Variants in CFAP20DC observed in about 807,000 individuals in gnomAD.
CFAP20DC encodes the protein CFAP20 domain containing.
CFAP20DC carries 84 observed loss-of-function variants against 101.7 expected under a neutral mutation model. That is an observed-to-expected ratio of 0.83 (90% CI 0.69 to 0.99). The LOEUF is 0.99. Ranked by LOEUF, CFAP20DC falls within the 50% of genes least tolerant of loss-of-function variation. CFAP20DC has a pLI of 0.00. For synonymous variants in CFAP20DC, 359 were observed against 351.2 expected, an observed-to-expected ratio of 1.02 and a Z score of -0.25; for missense variants, 1,007 against 970.3, an observed-to-expected ratio of 1.04 and a Z score of -0.50.
intron 1 of CFAP20DC, among the ~76,000 whole-genome samples, chr3:59,048,463 T>C (rs1228381597): frequency 6.6e-6 from 1 of 152,198 alleles, no homozygotes; most frequent in East Asian, 1.9e-4. Context: ...CTAGTTGTTT[T>C]AAAAGACAAA....
intron 5 of CFAP20DC, among the ~76,000 whole-genome samples, chr3:58,919,146 C>T (rs970532147): frequency 6.6e-6 from 1 of 152,110 alleles, no homozygotes; most frequent in Admixed American, 6.6e-5. Flanking sequence ...TTTCTTTCAC[C>T]TTAGATGATT....
chr3:58,929,997 G>A (rs1265080949), intron 5 of CFAP20DC, among the ~76,000 whole-genome samples: 2 of 151,754 alleles, frequency 1.3e-5, no homozygotes, highest in African/African-American at 2.4e-5. Flanking sequence ...TCTCTTCCAG[G>A]AGCACTACTC....
intron 4 of CFAP20DC, among the ~76,000 whole-genome samples, chr3:59,030,248 G>T (rs1381501438): frequency 6.6e-6 from 1 of 152,194 alleles, no homozygotes; most frequent in Non-Finnish European, 1.5e-5. Context: ...AACACTGAGG[G>T]TGCTGAAAGA....
chr3:58,761,559 T>C (rs1337487715), intron 15 of CFAP20DC, among the ~76,000 whole-genome samples: 1 of 152,216 alleles, frequency 6.6e-6, no homozygotes, highest in Non-Finnish European at 1.5e-5. Context: ...TGATCTTCAT[T>C]ATTTCTTGCC....
Position 58,869,578 on chromosome 3 carries a change from C to T in CFAP20DC, c.853-88G>A, listed in dbSNP as rs2079968067. The T allele has an allele frequency of 1.9e-6, 2 of 1,039,112 alleles. No homozygotes were observed. Among genetic ancestry groups the T allele is most frequent in the South Asian group, 5.3e-5 (2 of 37,726 alleles). The allele number at this position is 1,039,112 out of a possible 1,614,324, so 64.4% of individuals were successfully genotyped here. On this transcript the variant is annotated intron_variant, in intron 8 of 16. Coordinates refer to ENST00000482387, the MANE Select transcript of CFAP20DC (RefSeq NM_001394063.1). The surrounding 1 kb of genome is among the most constrained non-coding windows in gnomAD (Gnocchi z 4.3). ...TATATAGAAAACATAATATTTGGAC[C>T]AATGAAGAGTGAGAAAAAAACTAGA...
At chr3:58,920,689 T>C (rs1052381184) in intron 5 of CFAP20DC, among the ~76,000 whole-genome samples, 3 of 152,204 alleles carry the variant, frequency 2.0e-5, no homozygotes, top group African/African-American at 4.8e-5. Flanking sequence ...TAAATGCCAC[T>C]GGATCATGGT....
At chr3:58,815,464 T>C (rs1385767649) in intron 14 of CFAP20DC, among the ~76,000 whole-genome samples, 37 of 149,124 alleles carry the variant, frequency 2.5e-4, no homozygotes, top group African/African-American at 8.4e-4. Flanking sequence ...ACTTCATGTC[T>C]AAAACACCAA....
Position 58,724,050 on chromosome 3 carries a change from C to T in CFAP20DC, c.198-6422G>A, listed in dbSNP as rs946369587. Among the ~76,000 whole-genome samples, 1 of 152,196 alleles carries T rather than the reference C, an allele frequency of 6.6e-6. No individual in the cohort carries two copies. The highest frequency in any genetic ancestry group is 1.5e-5 in the Non-Finnish European group (1 of 68,036). ...GGAAGTAACATAGATACAAATCCTT[C>T]ATTCCAGGATGCTGAGGTTTAATCC... On this transcript the variant is annotated intron_variant, in intron 3 of 3. Coordinates refer to the CFAP20DC transcript ENST00000486145. The surrounding 1 kb of genome is among the most constrained non-coding windows in gnomAD (Gnocchi z 5.6).
At chr3:59,043,102 GAGTT>G (rs1699539923) in intron 3 of CFAP20DC, among the ~76,000 whole-genome samples, 1 of 152,140 alleles carries the variant, frequency 6.6e-6, no homozygotes, top group African/African-American at 2.4e-5. Flanking sequence ...AAGAAGTCTA[GAGTT>G]AGGAGAGAAG....
intron 14 of CFAP20DC, among the ~76,000 whole-genome samples, chr3:58,812,655 T>A (rs539057769): frequency 6.6e-6 from 1 of 151,736 alleles, no homozygotes; most frequent in East Asian, 1.9e-4. Flanking sequence ...TGTATACATG[T>A]GTAACTAACC....
chr3:58,877,021 T>C (rs1022283796), intron 7 of CFAP20DC, among the ~76,000 whole-genome samples: 2 of 152,214 alleles, frequency 1.3e-5, no homozygotes, highest in African/African-American at 4.8e-5. Flanking sequence ...ACTGAAGTCA[T>C]GGCATTTTTG....
In CFAP20DC at chr3:58,912,955, C is replaced by A. The variant is rs1287625476; in HGVS notation, c.550+753G>T. Among the ~76,000 whole-genome samples the A allele has an allele frequency of 6.6e-6, 1 of 152,044 alleles. No individual in the cohort carries two copies. The highest frequency in any genetic ancestry group is 1.5e-5 in the Non-Finnish European group (1 of 68,000). ...TTGAATGCCCAACATCTTTTGCACA[C>A]CCTTCCTAATTTGATGACTTTCCCA... is the stretch of plus-strand genomic sequence containing the variant. On this transcript the variant is annotated intron_variant, in intron 6 of 16. Coordinates refer to ENST00000482387, the MANE Select transcript of CFAP20DC (RefSeq NM_001394063.1). This position sits in a 1 kb window ranked among gnomAD's most constrained non-coding sequence, Gnocchi z 4.4.
intron 7 of CFAP20DC, among the ~76,000 whole-genome samples, chr3:58,880,075 C>G (rs1250865506): frequency 1.3e-5 from 2 of 151,350 alleles, no homozygotes; most frequent in African/African-American, 4.9e-5. Context: ...TAGAAATGTC[C>G]CATAATTACT....
At chr3:58,790,730 G>C (rs1235595801) in intron 15 of CFAP20DC, among the ~76,000 whole-genome samples, 2 of 152,156 alleles carry the variant, frequency 1.3e-5, no homozygotes, top group Non-Finnish European at 2.9e-5. Flanking sequence ...ACTGTAGTCT[G>C]AACTCTTTGG....
intron 4 of CFAP20DC, among the ~76,000 whole-genome samples, chr3:58,961,445 T>C (rs893563546): frequency 3.3e-5 from 5 of 152,000 alleles, no homozygotes; most frequent in African/African-American, 7.3e-5. Flanking sequence ...TCCCAGCTAC[T>C]TGGGAGGCTG....
intron 13 of CFAP20DC, among the ~76,000 whole-genome samples, chr3:58,842,154 C>G (rs931495076): frequency 6.6e-6 from 1 of 152,072 alleles, no homozygotes; most frequent in Non-Finnish European, 1.5e-5. Flanking sequence ...TACCAGTACT[C>G]GGAGGAGCCA....
In CFAP20DC at chr3:58,846,755, C is replaced by G. The variant is rs1317521281; in HGVS notation, c.1971+2277G>C. On this transcript the variant is annotated intron_variant, in intron 13 of 16. Coordinates refer to ENST00000482387, the MANE Select transcript of CFAP20DC (RefSeq NM_001394063.1). ...AAGCTGGAGGCATCACACTACCTGA[C>G]TTCAAACTATACTACAAGGCTACAG... Among the ~76,000 whole-genome samples the G allele has an allele frequency of 2.5e-4, 37 of 147,312 alleles. No homozygotes were observed. In the South Asian group the frequency reaches 5.1e-3, roughly 20 times the overall value.
At chr3:58,804,898 A>G (rs1413600257) in intron 15 of CFAP20DC, among the ~76,000 whole-genome samples, 1 of 152,220 alleles carries the variant, frequency 6.6e-6, no homozygotes, top group Non-Finnish European at 1.5e-5. Context: ...TGTGATAGTG[A>G]CAATTCACCC....
At chr3:58,806,573 T>G (rs898271767) in intron 14 of CFAP20DC, 117 bp from the exon 15 acceptor site, 18 of 736,078 alleles carry the variant, frequency 2.4e-5, no homozygotes, top group East Asian at 5.6e-5. Context: ...AAGAAGGGTA[T>G]GGGTGGGAGG....
Sources: allele counts gnomAD v4.1 joint callset (sites outside exome capture counted in the v4.1 genomes callset), GRCh38; gene constraint gnomAD v4.1.1; non-coding constraint Gnocchi (gnomAD v3.1); transcripts MANE v1.5; gene names NCBI Gene and HGNC (gene_info 2026-07-23, HGNC 2026-07-21).